FER: variants seen among roughly 807,000 people sequenced by gnomAD.
FER encodes FER tyrosine kinase, also known as tyrosine-protein kinase Fer.
In FER, 63 loss-of-function variants were observed where a neutral mutation model predicts 111.0. The observed-to-expected ratio is 0.57, with a 90% CI of 0.46 to 0.70. The LOEUF is 0.70. Ranked by LOEUF, FER falls within the 30% of genes least tolerant of loss-of-function variation. The pLI, the probability that FER is intolerant of heterozygous loss-of-function variation, is 0.00. For synonymous variants in FER, 327 were observed against 313.9 expected, an observed-to-expected ratio of 1.04 and a Z score of -0.44; for missense variants, 914 against 954.0, an observed-to-expected ratio of 0.96 and a Z score of 0.55.
At chr5:109,017,677 A>G (rs1260997680) in intron 13 of FER, among the ~76,000 whole-genome samples, 2 of 152,094 alleles carry the variant, frequency 1.3e-5, no homozygotes, top group East Asian at 1.9e-4. Flanking sequence ...GAGGATATAT[A>G]TCATCATTGC....
chr5:109,030,274 C>G (rs771231440), intron 13 of FER, among the ~76,000 whole-genome samples: 1 of 152,060 alleles, frequency 6.6e-6, no homozygotes, highest in East Asian at 1.9e-4. Flanking sequence ...GCTTTAAAAT[C>G]CTCGTCAGGT....
chr5:109,082,320 TG>T (rs1217855047), intron 16 of FER, among the ~76,000 whole-genome samples: 2 of 152,034 alleles, frequency 1.3e-5, no homozygotes, highest in Non-Finnish European at 2.9e-5. Context: ...GTGGAAGATC[TG>T]TTCCTCACTG....
intron 17 of FER, among the ~76,000 whole-genome samples, chr5:109,156,096 T>C (rs1755342856): frequency 6.6e-6 from 1 of 152,076 alleles, no homozygotes; most frequent in South Asian, 2.1e-4. Context: ...ATAATCTGTA[T>C]TTACTAAGGC....
At chr5:108,931,380 A>G (rs1754652552) in intron 10 of FER, among the ~76,000 whole-genome samples, 1 of 152,118 alleles carries the variant, frequency 6.6e-6, no homozygotes, top group Admixed American at 6.6e-5. Context: ...AGCTACACTG[A>G]GATTTAATAA....
At chr5:109,055,790 CAAAAAAA>C (rs77291685) in intron 16 of FER, among the ~76,000 whole-genome samples, 1 of 72,460 alleles carries the variant, frequency 1.4e-5, no homozygotes, top group African/African-American at 4.8e-5. Context: ...AACCTTGTCT[CAAAAAAA>C]AAAAAAAAAA....
intron 13 of FER, among the ~76,000 whole-genome samples, chr5:108,975,627 G>C (rs1382634000): frequency 6.6e-6 from 1 of 151,998 alleles, no homozygotes; most frequent in African/African-American, 2.4e-5. Flanking sequence ...ATTTTCTACG[G>C]ATAATTATGG....
At chr5:109,012,132 T>C (rs1766356966) in intron 13 of FER, among the ~76,000 whole-genome samples, 2 of 152,240 alleles carry the variant, frequency 1.3e-5, no homozygotes, top group South Asian at 4.1e-4. Flanking sequence ...TTTTTACTTA[T>C]TGTGAAGAGG....
At chr5:109,085,615 C>T (rs1392757362) in intron 16 of FER, among the ~76,000 whole-genome samples, 1 of 151,638 alleles carries the variant, frequency 6.6e-6, no homozygotes, top group Non-Finnish European at 1.5e-5. Flanking sequence ...TGCAGGCATC[C>T]TTGCCTTGGT....
chr5:109,077,213 T>TCAGA (rs1269150015), intron 16 of FER, among the ~76,000 whole-genome samples: 1 of 152,228 alleles, frequency 6.6e-6, no homozygotes, highest in African/African-American at 2.4e-5. Context: ...AATCACTCTT[T>TCAGA]CAGACAGTGA....
intron 13 of FER, among the ~76,000 whole-genome samples, chr5:108,967,675 G>A (rs575913245): frequency 5.3e-4 from 79 of 147,842 alleles, no homozygotes; most frequent in African/African-American, 1.7e-3. Context: ...CAGGAGAATC[G>A]CTTGAACCCG....
At chr5:109,058,755 C>A (rs1307138140) in intron 16 of FER, among the ~76,000 whole-genome samples, 8 of 75,454 alleles carry the variant, frequency 1.1e-4, no homozygotes, top group African/African-American at 6.4e-5. Context: ...TTTTTTGAGA[C>A]GGAGTCTAGC....
At chr5:108,843,158 A>C (rs1177162911) in intron 5 of FER, among the ~76,000 whole-genome samples, 1 of 152,234 alleles carries the variant, frequency 6.6e-6, no homozygotes, top group East Asian at 1.9e-4. Context: ...ATCAGTGAGA[A>C]CATAACTCAG....
At chr5:108,926,864 T>G (rs1298509226) in intron 10 of FER, among the ~76,000 whole-genome samples, 4 of 152,180 alleles carry the variant, frequency 2.6e-5, no homozygotes, top group Non-Finnish European at 5.9e-5. Context: ...TTATGATTTT[T>G]TTTTCAGTGA....
At position 108,985,083 on chromosome 5, in the gene FER, A is replaced by T. The variant is rs114863753; in HGVS notation, c.1656+25736A>T. Among the ~76,000 whole-genome samples, 656 of 152,244 alleles carry T rather than the reference A, an allele frequency of 4.3e-3. 4 individuals carry two copies. The highest frequency in any genetic ancestry group is 0.015 in the African/African-American group (638 of 41,572). On this transcript the variant is annotated intron_variant, in intron 13 of 19. Coordinates refer to ENST00000281092, the MANE Select transcript of FER (RefSeq NM_005246.4). The stretch of plus-strand genomic sequence containing the variant: ...TTACGAATTAAAACTAGTGCTTATC[A>T]TACAAATAACTCATAAAAATAGGGA...
rs574570972 is a variant in FER, at chr5:109,100,472, C to A, written c.2001C>A (p.Asp667Glu). Residue 667 changes from aspartate to glutamate, a missense_variant, in exon 17 of 20, where the codon GAC becomes GAA. Around this residue, in one of 3 missense-constraint regions of FER, gnomAD observed 774 missense variants for 782.6 expected, o/e 0.99. Transcript: ENST00000281092. ...AACAGTTAGTGAAATTTTCATTAGA[C>A]GCTGCTGCTGGTATGTTGTATCTCG... The part of the protein sequence containing the change: ...KLKQLVKFSL[D>E]AAAGMLYLES... 1 of 1,611,222 alleles carries A rather than the reference C, an allele frequency of 6.2e-7. No homozygotes were observed. Among genetic ancestry groups the A allele is most frequent in the Admixed American group, 1.7e-5 (1 of 59,856 alleles).
At chr5:109,051,834 G>A in intron 16 of FER, 5 of 1,596,614 alleles carry the variant, frequency 3.1e-6, no homozygotes, top group Non-Finnish European at 3.4e-6. Context: ...TGAAGATGAT[G>A]AAGATGGTTT....
chr5:108,776,252 A>G (rs1219633743), intron 2 of FER, among the ~76,000 whole-genome samples: 1 of 152,108 alleles, frequency 6.6e-6, no homozygotes, highest in East Asian at 1.9e-4. Context: ...TTATTCACGT[A>G]TTTCTGATTT....
At chr5:108,813,954 T>C (rs1050591046) in intron 3 of FER, among the ~76,000 whole-genome samples, 2 of 152,158 alleles carry the variant, frequency 1.3e-5, no homozygotes, top group Admixed American at 6.5e-5. Context: ...AGAAATCAAG[T>C]AGTTGGGCCA....
Position 108,871,478 on chromosome 5 carries a change from A to G in FER, c.779A>G (p.Tyr260Cys). 1 of 1,606,652 alleles carries G rather than the reference A, an allele frequency of 6.2e-7. No individual in the cohort carries two copies. The highest frequency in any genetic ancestry group is 1.1e-5 in the South Asian group (1 of 89,786). Reference sequence around the variant, plus strand: ...GAACAGATAGATCCTAGTACAGAATACAATAATTTCATAGATGTTCACAGG... The same window carrying G: ...GAACAGATAGATCCTAGTACAGAATGCAATAATTTCATAGATGTTCACAGG... ...SVEQIDPSTE[Y>C]NNFIDVHRTT... Residue 260 changes from tyrosine (Y) to cysteine (C), a missense_variant, in exon 7 of 20, where the codon TAC (tyrosine) becomes TGC (cysteine). Coordinates refer to ENST00000281092, the MANE Select transcript of FER (RefSeq NM_005246.4).
Sources: allele counts gnomAD v4.1 joint callset (sites outside exome capture counted in the v4.1 genomes callset), GRCh38; gene constraint gnomAD v4.1.1; regional missense constraint gnomAD v4.1.1; transcripts MANE v1.5; gene names NCBI Gene and HGNC (gene_info 2026-07-23, HGNC 2026-07-21).